The following DCLK3 variants were observed in gnomAD, a reference collection of about 807,000 sequenced individuals.
DCLK3 encodes serine/threonine-protein kinase DCLK3.
In DCLK3, 30 loss-of-function variants were observed where a neutral mutation model predicts 46.4. That is an observed-to-expected ratio of 0.65 (90% CI 0.48 to 0.88). The LOEUF is 0.88. Among genes scored for constraint, DCLK3 ranks in the 40% least tolerant of loss-of-function variants. The pLI is 0.00. For synonymous variants in DCLK3, 401 were observed against 339.2 expected (o/e 1.18, Z -2.00); for missense variants, 846 against 907.1 (o/e 0.93, Z 0.87).
At chr3:36,751,877 CTAT>C (rs1187020337) in intron 1 of DCLK3, among the ~76,000 whole-genome samples, 3 of 152,222 alleles carry the variant, frequency 2.0e-5, no homozygotes, top group Non-Finnish European at 4.4e-5. Context: ...TGAAAACAGA[CTAT>C]TGGTTGGGTC....
At chr3:36,762,208 G>A (rs1219096070) in intron 1 of DCLK3, among the ~76,000 whole-genome samples, 1 of 152,164 alleles carries the variant, frequency 6.6e-6, no homozygotes, top group Non-Finnish European at 1.5e-5. Flanking sequence ...AACACCTTTT[G>A]TGAATTCATA....
intron 2 of DCLK3, among the ~76,000 whole-genome samples, chr3:36,734,135 G>A (rs1701231112): frequency 6.6e-6 from 1 of 152,164 alleles, no homozygotes. Context: ...TGATATTTAT[G>A]AATATTTTAA....
At chr3:36,755,552 A>G (rs538236733) in intron 1 of DCLK3, among the ~76,000 whole-genome samples, 1 of 152,304 alleles carries the variant, frequency 6.6e-6, no homozygotes, top group Non-Finnish European at 1.5e-5. Context: ...TAACTTCCAG[A>G]TGAATTAAAA....
At position 36,721,656 on chromosome 3, in the gene DCLK3, G is replaced by T; in HGVS notation, c.1963C>A (p.Gln655Lys). 2 of 1,613,986 alleles carry T rather than the reference G, an allele frequency of 1.2e-6. No homozygotes were observed. The highest frequency in any genetic ancestry group is 1.1e-5 in the South Asian group (1 of 91,024). Reference protein sequence around the residue: ...RDLKPENLLVQRNEDKSTTLK... With the variant: ...RDLKPENLLVKRNEDKSTTLK... ...GTAGTAGATTTGTCCTCATTTCGCT[G>T]AACCTGTAAGAAACCAAAATCCCCA... The change falls in exon 3 of 5, where the codon CAG becomes AAG. Residue 655 changes from glutamine (Q) to lysine (K), a missense_variant. By Grantham distance (53) the Gln-to-Lys change is moderately conservative (BLOSUM62 1). Coordinates refer to ENST00000636136, the MANE Select transcript of DCLK3 (RefSeq NM_001394672.2).
chr3:36,743,393 A>G (rs1447791127), intron 1 of DCLK3, among the ~76,000 whole-genome samples: 1 of 152,160 alleles, frequency 6.6e-6, no homozygotes, highest in African/African-American at 2.4e-5. Context: ...CTCAACCTGT[A>G]TAATCTAGGA....
chr3:36,738,185 G>A lies in DCLK3; in HGVS notation c.982C>T (p.Leu328=). 1 of 1,613,782 alleles carries A rather than the reference G, an allele frequency of 6.2e-7. No individual in the cohort carries two copies. The highest frequency in any genetic ancestry group is 8.5e-7 in the Non-Finnish European group (1 of 1,179,918). Residue 328 remains leucine, a synonymous_variant, in exon 2 of 5, where the codon CTG becomes TTG. Coordinates refer to ENST00000636136, the MANE Select transcript of DCLK3 (RefSeq NM_001394672.2). ...CCCATATCCAGCTCACTGGTCCCCA[G>A]AGAAAGCCTCTCACGCTCCAGGCTC... ...QQSLERERLS[L]GTSELDMGKG... is the part of the protein sequence containing the mutation.
At chr3:36,753,468 A>G (rs1051484782) in intron 1 of DCLK3, among the ~76,000 whole-genome samples, 2 of 152,166 alleles carry the variant, frequency 1.3e-5, no homozygotes, top group African/African-American at 2.4e-5. Flanking sequence ...TTCCTTTCTA[A>G]GGAAACAGCT....
chr3:36,741,771 G>A (rs1367985589), intron 1 of DCLK3, among the ~76,000 whole-genome samples: 2 of 152,350 alleles, frequency 1.3e-5, no homozygotes, highest in South Asian at 2.1e-4. Flanking sequence ...CTATATGACA[G>A]TGGCAAAGCA....
chr3:36,746,393 A>G (rs1259116840), intron 1 of DCLK3, among the ~76,000 whole-genome samples: 1 of 152,174 alleles, frequency 6.6e-6, no homozygotes, highest in Non-Finnish European at 1.5e-5. Context: ...TACGTACTGC[A>G]TCAGTTGTTT....
intron 1 of DCLK3, among the ~76,000 whole-genome samples, chr3:36,752,881 A>T (rs1314572295): frequency 1.3e-5 from 2 of 152,232 alleles, no homozygotes; most frequent in Admixed American, 6.5e-5. Context: ...AAATTAATTA[A>T]AAGTATTGAG....
chr3:36,755,013 A>G (rs1559394944), intron 1 of DCLK3, among the ~76,000 whole-genome samples: 1 of 152,240 alleles, frequency 6.6e-6, no homozygotes, highest in Non-Finnish European at 1.5e-5. Context: ...CAAGCTTTTG[A>G]CATAACTGCA....
At chr3:36,725,043 G>A (rs892365124) in intron 2 of DCLK3, among the ~76,000 whole-genome samples, 8 of 151,548 alleles carry the variant, frequency 5.3e-5, no homozygotes, top group Admixed American at 6.6e-5. Flanking sequence ...GGCCGGGCTC[G>A]GTGGCTCATG....
chr3:36,720,665 C>T (rs1160430060), intron 3 of DCLK3, among the ~76,000 whole-genome samples: 5 of 152,138 alleles, frequency 3.3e-5, no homozygotes, highest in South Asian at 2.1e-4. Context: ...CCACCACGCC[C>T]AGCTAATTTT....
chr3:36,722,882 T>C (rs568585641), intron 2 of DCLK3, among the ~76,000 whole-genome samples: 6 of 152,288 alleles, frequency 3.9e-5, no homozygotes, highest in African/African-American at 1.2e-4. Context: ...TACAGTAAAC[T>C]GGTACCAGTA....
chr3:36,729,009 A>G (rs1426229741), intron 2 of DCLK3, among the ~76,000 whole-genome samples: 1 of 152,150 alleles, frequency 6.6e-6, no homozygotes, highest in African/African-American at 2.4e-5. Flanking sequence ...ACAACCTCAG[A>G]GAGGTCTGTG....
intron 4 of DCLK3, among the ~76,000 whole-genome samples, chr3:36,716,515 G>A (rs1302062290): frequency 1.3e-5 from 2 of 152,198 alleles, no homozygotes; most frequent in South Asian, 2.1e-4. Context: ...GAGGCTGGAA[G>A]GCCAGATTTA....
chr3:36,756,366 A>T (rs535214317), intron 1 of DCLK3, among the ~76,000 whole-genome samples: 1 of 152,350 alleles, frequency 6.6e-6, no homozygotes, highest in Non-Finnish European at 1.5e-5. Context: ...ATGGGGGCCA[A>T]CCATGCCCCT....
intron 2 of DCLK3, among the ~76,000 whole-genome samples, chr3:36,727,340 A>G (rs369857071): frequency 4.3e-4 from 66 of 152,322 alleles, no homozygotes; most frequent in African/African-American, 1.3e-3. Context: ...TTAGTATACC[A>G]AAGTAAGAAG....
intron 2 of DCLK3, among the ~76,000 whole-genome samples, chr3:36,736,022 C>T (rs938784684): frequency 5.9e-5 from 9 of 152,184 alleles, no homozygotes; most frequent in African/African-American, 1.4e-4. Context: ...AGTGGGTGAA[C>T]GTGCCAGAGG....
Sources: allele counts gnomAD v4.1 joint callset (sites outside exome capture counted in the v4.1 genomes callset), GRCh38; gene constraint gnomAD v4.1.1; transcripts MANE v1.5; gene names NCBI Gene and HGNC (gene_info 2026-07-23, HGNC 2026-07-21).